SRGAP3: variants seen among roughly 807,000 people sequenced by gnomAD.
SRGAP3 encodes the protein SLIT-ROBO Rho GTPase activating protein 3, also known as SLIT-ROBO Rho GTPase-activating protein 3.
In SRGAP3, 39 loss-of-function variants were observed where a neutral mutation model predicts 121.1. That is an observed-to-expected ratio of 0.32 (90% CI 0.25 to 0.42). The LOEUF (loss-of-function observed/expected upper bound fraction) is 0.42, where lower values mean the gene tolerates loss of function less well. SRGAP3 is among the 10% of genes least tolerant of loss of function. The pLI, the probability that SRGAP3 is intolerant of heterozygous loss-of-function variation, is 1.00. For synonymous variants in SRGAP3, 601 were observed against 570.0 expected, an observed-to-expected ratio of 1.05 and a Z score of -0.77; for missense variants, 1,213 against 1,470.6, an observed-to-expected ratio of 0.82 and a Z score of 2.86.
intron 3 of SRGAP3, among the ~76,000 whole-genome samples, chr3:9,310,742 G>C (rs184115151): frequency 6.6e-6 from 1 of 152,188 alleles, no homozygotes; most frequent in African/African-American, 2.4e-5. Context: ...GACATTATTT[G>C]AGAGGTCAAC....
intron 1 of SRGAP3, among the ~76,000 whole-genome samples, chr3:9,136,402 C>CCTG (rs1262202345): frequency 1.1e-4 from 1 of 9,446 alleles, no homozygotes; most frequent in Non-Finnish European, 2.3e-4. Context: ...GGACCCCCCC[C>CCTG]CCCCCCGACC....
chr3:9,291,130 T>C (rs951247094), intron 3 of SRGAP3, among the ~76,000 whole-genome samples: 1 of 152,188 alleles, frequency 6.6e-6, no homozygotes, highest in East Asian at 1.9e-4. Flanking sequence ...AACTCCTTCC[T>C]GTAGCATGCA....
chr3:9,302,094 C>T (rs73023242), intron 3 of SRGAP3, among the ~76,000 whole-genome samples: 26,400 of 152,138 alleles, frequency 0.17, 2,320 homozygotes, highest in South Asian at 0.2. Context: ...GCCTTATGTA[C>T]GTTCACCGAG....
intron 1 of SRGAP3, among the ~76,000 whole-genome samples, chr3:9,245,793 A>C (rs2648524): frequency 1.3e-3 from 196 of 152,180 alleles, no homozygotes; most frequent in Non-Finnish European, 2.3e-3. Context: ...ATGTGGTGGC[A>C]CGTGCCTGTA....
intron 3 of SRGAP3, among the ~76,000 whole-genome samples, chr3:9,304,139 C>G (rs757703735): frequency 6.6e-6 from 1 of 152,210 alleles, no homozygotes; most frequent in Non-Finnish European, 1.5e-5. Context: ...AGTTAGTCCA[C>G]AACAGTAACT....
intron 1 of SRGAP3, among the ~76,000 whole-genome samples, chr3:9,241,239 TA>T (rs987529179): frequency 8.8e-5 from 13 of 148,088 alleles, no homozygotes; most frequent in Admixed American, 1.3e-4. Flanking sequence ...ACATAGAAGC[TA>T]AAAAAAAAAT....
chr3:9,185,677 G>A (rs989556653), intron 1 of SRGAP3, among the ~76,000 whole-genome samples: 5 of 151,956 alleles, frequency 3.3e-5, no homozygotes, highest in African/African-American at 9.7e-5. Context: ...GACTATAGGC[G>A]TGTGTCACTC....
At chr3:9,315,828 T>C (rs1190000851) in intron 3 of SRGAP3, among the ~76,000 whole-genome samples, 2 of 152,148 alleles carry the variant, frequency 1.3e-5, no homozygotes, top group African/African-American at 4.8e-5. Context: ...AATGCAATGC[T>C]ATTAACACAC....
intron 3 of SRGAP3, among the ~76,000 whole-genome samples, chr3:9,289,178 C>A (rs113083434): frequency 0.024 from 3,597 of 152,252 alleles, 153 homozygotes; most frequent in African/African-American, 0.081. Flanking sequence ...GGATTACAGG[C>A]GTGAGCCAGC....
At chr3:9,178,816 G>T (rs1217389120) in intron 1 of SRGAP3, among the ~76,000 whole-genome samples, 1 of 152,196 alleles carries the variant, frequency 6.6e-6, no homozygotes, top group Non-Finnish European at 1.5e-5. Flanking sequence ...AAATAGGGCA[G>T]GATCTTTGTT....
intron 18 of SRGAP3, among the ~76,000 whole-genome samples, chr3:9,004,843 A>G (rs1942973283): frequency 6.6e-6 from 1 of 152,240 alleles, no homozygotes. Flanking sequence ...ATACATCCTC[A>G]TGAACTTGGA....
chr3:9,065,227 T>C (rs1011391649), intron 4 of SRGAP3: 20 of 152,162 alleles, frequency 1.3e-4, no homozygotes, highest in African/African-American at 4.8e-4. Context: ...ATAAAAACAA[T>C]TCCTATAAAG....
intron 3 of SRGAP3, among the ~76,000 whole-genome samples, chr3:9,087,163 GA>G (rs1292731538): frequency 5.9e-5 from 9 of 152,202 alleles, no homozygotes; most frequent in African/African-American, 2.2e-4. Flanking sequence ...ATGAACGAAT[GA>G]AGTGACAGTT....
chr3:9,018,866 T>C (rs1943770130), intron 14 of SRGAP3, among the ~76,000 whole-genome samples: 1 of 152,246 alleles, frequency 6.6e-6, no homozygotes. Flanking sequence ...CCACACCTTT[T>C]AACCATTTTC....
At chr3:9,107,271 C>A (rs1452993315) in intron 2 of SRGAP3, among the ~76,000 whole-genome samples, 1 of 152,220 alleles carries the variant, frequency 6.6e-6, no homozygotes, top group Non-Finnish European at 1.5e-5. Flanking sequence ...GTGATGCACA[C>A]TCTGCCTTGG....
intron 2 of SRGAP3, among the ~76,000 whole-genome samples, chr3:9,327,433 C>G (rs1412901182): frequency 1.3e-5 from 2 of 152,168 alleles, no homozygotes; most frequent in Non-Finnish European, 2.9e-5. Context: ...ATTTCCATAC[C>G]TTCTTATAAT....
At chr3:9,070,559 C>T (rs1353006035) in intron 4 of SRGAP3, among the ~76,000 whole-genome samples, 1 of 151,940 alleles carries the variant, frequency 6.6e-6, no homozygotes, top group Non-Finnish European at 1.5e-5. Flanking sequence ...ATCAGTGGAT[C>T]AGTGAATATG....
chr3:9,043,349 C>A (rs886682894), intron 10 of SRGAP3, among the ~76,000 whole-genome samples: 1 of 152,134 alleles, frequency 6.6e-6, no homozygotes, highest in Admixed American at 6.6e-5. Flanking sequence ...AGTTTGTTTA[C>A]CGTTTGAGGT....
In SRGAP3 at chr3:9,003,479, AAAAC is replaced by A. The variant is rs149943964; in HGVS notation, c.2227+6825_2227+6828del. On this transcript the variant is annotated intron_variant, in intron 18 of 21. Transcript: ENST00000383836. ...GGGTGACAGAGTGAGATTCCATCTC[AAAAC>A]AAACAAACAAACAAACAAACAAAAA... Among the ~76,000 whole-genome samples the A allele has an allele frequency of 8.4e-3, 1,262 of 150,022 alleles. 18 individuals are homozygous for A. Among genetic ancestry groups the A allele is most frequent in the Non-Finnish European group, 0.013 (853 of 67,560 alleles).
Sources: allele counts gnomAD v4.1 joint callset (sites outside exome capture counted in the v4.1 genomes callset), GRCh38; gene constraint gnomAD v4.1.1; transcripts MANE v1.5; gene names NCBI Gene and HGNC (gene_info 2026-07-23, HGNC 2026-07-21).